CAMK4: variants seen among roughly 807,000 people sequenced by gnomAD.
CAMK4 encodes calcium/calmodulin-dependent protein kinase type IV.
Under a neutral mutation model 44.9 loss-of-function variants are expected in CAMK4, and 22 were observed. That is an observed-to-expected ratio of 0.49 (90% CI 0.35 to 0.70). The LOEUF (loss-of-function observed/expected upper bound fraction) is 0.70, where lower values mean the gene tolerates loss of function less well. Ranked by LOEUF, CAMK4 falls within the 30% of genes least tolerant of loss-of-function variation. The probability of loss-of-function intolerance (pLI) is 0.01; values close to 1 mark genes in which losing one functional copy is unlikely to be tolerated. For missense variants in CAMK4, 498 were observed against 586.8 expected, an observed-to-expected ratio of 0.85 and a Z score of 1.56; for synonymous variants, 218 against 215.4, an observed-to-expected ratio of 1.01 and a Z score of -0.11.
intron 1 of CAMK4, among the ~76,000 whole-genome samples, chr5:111,316,493 C>T (rs1447907802): frequency 1.3e-5 from 2 of 152,148 alleles, no homozygotes; most frequent in South Asian, 2.1e-4. Flanking sequence ...TAACTCTGAG[C>T]TTCTGATAGA....
chr5:111,445,788 C>T (rs549621469), intron 5 of CAMK4, among the ~76,000 whole-genome samples: 20 of 152,244 alleles, frequency 1.3e-4, no homozygotes, highest in African/African-American at 4.6e-4. Context: ...TGACTCAGAA[C>T]CTAGATTCAC....
At chr5:111,438,034 T>C (rs1753705375) in intron 5 of CAMK4, among the ~76,000 whole-genome samples, 1 of 152,158 alleles carries the variant, frequency 6.6e-6, no homozygotes. Context: ...CTGGAGACAT[T>C]TTGGAATTAA....
intron 2 of CAMK4, among the ~76,000 whole-genome samples, chr5:111,362,180 A>G (rs764736634): frequency 1.1e-4 from 17 of 152,216 alleles, no homozygotes; most frequent in Middle Eastern, 3.4e-3. Context: ...CATTTTACAC[A>G]TGATGAAATT....
intron 4 of CAMK4, among the ~76,000 whole-genome samples, chr5:111,390,321 T>C (rs1580689902): frequency 6.6e-6 from 1 of 152,132 alleles, no homozygotes; most frequent in East Asian, 1.9e-4. Flanking sequence ...AAAACTATAA[T>C]CATTGAGGTT....
chr5:111,395,221 A>AG (rs1348139373), intron 5 of CAMK4, among the ~76,000 whole-genome samples: 4 of 104,498 alleles, frequency 3.8e-5, no homozygotes, highest in East Asian at 6.0e-4. Context: ...CAAAAAAAAA[A>AG]AAAAAAGAAA....
rs894716496 is a variant in CAMK4 at position 111,360,676 on chromosome 5, A to T, written c.241-14174A>T. Among the ~76,000 whole-genome samples the T allele has an allele frequency of 7.4e-4, 112 of 152,106 alleles. 7 individuals carry two copies. The stretch of plus-strand genomic sequence containing the variant: ...GAGACTTAACAGACATGCTGATGAG[A>T]GAGTGCTTTGAGGATGTGCACACCA... On this transcript the variant is annotated intron_variant, in intron 2 of 10. Coordinates refer to ENST00000282356, the MANE Select transcript of CAMK4 (RefSeq NM_001744.6).
At chr5:111,323,815 T>G (rs897829397) in intron 1 of CAMK4, among the ~76,000 whole-genome samples, 3 of 152,064 alleles carry the variant, frequency 2.0e-5, no homozygotes, top group African/African-American at 7.2e-5. Context: ...TTTATAGAAA[T>G]CAGTGAAGAG....
intron 2 of CAMK4, among the ~76,000 whole-genome samples, chr5:111,372,986 G>C (rs1222683988): frequency 6.6e-6 from 1 of 152,094 alleles, no homozygotes; most frequent in Non-Finnish European, 1.5e-5. Context: ...TCTCCTCTAA[G>C]AATTTATAGC....
At chr5:111,437,884 A>G (rs1753701471) in intron 5 of CAMK4, among the ~76,000 whole-genome samples, 1 of 152,166 alleles carries the variant, frequency 6.6e-6, no homozygotes, top group African/African-American at 2.4e-5. Context: ...GACTTTCACA[A>G]GGAGAAGAAA....
At chr5:111,406,383 C>G (rs1752431465) in intron 5 of CAMK4, among the ~76,000 whole-genome samples, 1 of 151,930 alleles carries the variant, frequency 6.6e-6, no homozygotes, top group South Asian at 2.1e-4. Flanking sequence ...GCCACCATGC[C>G]TGGCTAATTT....
intron 1 of CAMK4, among the ~76,000 whole-genome samples, chr5:111,245,766 G>T (rs578142620): frequency 5.8e-4 from 88 of 152,148 alleles, no homozygotes; most frequent in Admixed American, 2.9e-3. Flanking sequence ...AAAATGCTGC[G>T]CATTCATGGA....
intron 4 of CAMK4, 64 bp from the exon 5 acceptor site, chr5:111,394,646 T>C (rs1751928599): frequency 9.5e-7 from 1 of 1,051,274 alleles, no homozygotes; most frequent in African/African-American, 1.6e-5. Flanking sequence ...TTACTTAACT[T>C]CTTTTAATAT....
intron 2 of CAMK4, among the ~76,000 whole-genome samples, chr5:111,352,265 A>T (rs1010026805): frequency 1.3e-5 from 2 of 152,106 alleles, no homozygotes; most frequent in Non-Finnish European, 2.9e-5. Flanking sequence ...AATAGCTATT[A>T]TTTATTGAAT....
intron 2 of CAMK4, among the ~76,000 whole-genome samples, chr5:111,345,738 G>A (rs1297696058): frequency 6.6e-6 from 1 of 151,908 alleles, no homozygotes; most frequent in East Asian, 1.9e-4. Flanking sequence ...AAAAGTCTTT[G>A]GATAAATTGG....
intron 5 of CAMK4, among the ~76,000 whole-genome samples, chr5:111,418,514 C>T (rs1752896572): frequency 6.6e-6 from 1 of 151,852 alleles, no homozygotes; most frequent in Non-Finnish European, 1.5e-5. Context: ...CATATGCATA[C>T]ATGTGCCATA....
chr5:111,450,466 C>G (rs573395025), intron 7 of CAMK4, among the ~76,000 whole-genome samples: 1 of 151,334 alleles, frequency 6.6e-6, no homozygotes, highest in East Asian at 2.0e-4. Flanking sequence ...GCCCTTACAC[C>G]CACACTGGGG....
intron 4 of CAMK4, among the ~76,000 whole-genome samples, chr5:111,388,679 C>T (rs984753920): frequency 6.6e-6 from 1 of 152,166 alleles, no homozygotes; most frequent in Non-Finnish European, 1.5e-5. Context: ...TGTCTGTCTA[C>T]TTATACCAAG....
intron 2 of CAMK4, among the ~76,000 whole-genome samples, chr5:111,367,507 C>G (rs1750837713): frequency 6.6e-6 from 1 of 152,072 alleles, no homozygotes; most frequent in African/African-American, 2.4e-5. Context: ...TTGGACAAAA[C>G]TCTGATGGGC....
chr5:111,234,021 G>A (rs1346387758), intron 1 of CAMK4, among the ~76,000 whole-genome samples: 1 of 152,054 alleles, frequency 6.6e-6, no homozygotes, highest in Non-Finnish European at 1.5e-5. Flanking sequence ...GTTTTAAAAA[G>A]CACATTAATG....
Sources: allele counts gnomAD v4.1 joint callset (sites outside exome capture counted in the v4.1 genomes callset), GRCh38; gene constraint gnomAD v4.1.1; transcripts MANE v1.5; gene names NCBI Gene and HGNC (gene_info 2026-07-23, HGNC 2026-07-21).